Variants in MARCHF7 observed in about 807,000 individuals in gnomAD.
MARCHF7 encodes membrane associated ring-CH-type finger 7.
A neutral mutation model predicts 76.5 loss-of-function variants in MARCHF7; 20 were observed. The observed-to-expected ratio is 0.26, with a 90% CI of 0.18 to 0.38. The LOEUF is 0.38. Among genes scored for constraint, MARCHF7 ranks in the 10% least tolerant of loss-of-function variants. MARCHF7 has a pLI of 1.00. For synonymous variants in MARCHF7, 295 were observed against 293.0 expected (o/e 1.01, Z -0.07); for missense variants, 797 against 812.9 (o/e 0.98, Z 0.24).
intron 3 of MARCHF7, among the ~76,000 whole-genome samples, chr2:159,718,841 A>G (rs1701313013): frequency 6.6e-6 from 1 of 152,164 alleles, no homozygotes; most frequent in Non-Finnish European, 1.5e-5. Context: ...TAGAAGGTAC[A>G]GTATAAGTAG....
chr2:159,738,392 T>G (rs1270979286), intron 4 of MARCHF7, among the ~76,000 whole-genome samples: 1 of 152,196 alleles, frequency 6.6e-6, no homozygotes, highest in African/African-American at 2.4e-5. Context: ...GTTTCAGCAC[T>G]GTTTGTGTTA....
chr2:159,752,402 C>T lies in MARCHF7; in HGVS notation c.1614C>T (p.Ser538=). The T allele has an allele frequency of 1.3e-6, 2 of 1,568,564 alleles. No homozygotes were observed. The highest frequency in any genetic ancestry group is 1.7e-6 in the Non-Finnish European group (2 of 1,159,106). ...TTGGGAAATGTGCCTTCTTTTCCAGCCTCCTTTTAGAGGACTCAGAAGAAG... is the reference window on the plus strand; with the variant it reads ...TTGGGAAATGTGCCTTCTTTTCCAGTCTCCTTTTAGAGGACTCAGAAGAAG... ...DPERLQKIKE[S]LLLEDSEEEE... Residue 538 remains serine, a splice_region_variant and synonymous_variant, in exon 8 of 12, where the codon AGC becomes AGT. Transcript: ENST00000409175.
At chr2:159,764,975 TAAC>T (rs1707592131) in intron 11 of MARCHF7, among the ~76,000 whole-genome samples, 1 of 152,148 alleles carries the variant, frequency 6.6e-6, no homozygotes, top group Non-Finnish European at 1.5e-5. Flanking sequence ...GCATAAATCT[TAAC>T]TACTAATCAA....
chr2:159,768,969 A>G lies in MARCHF7; in HGVS notation c.*1627A>G, dbSNP rs1443840368. ...TAAATGCTAAATGACAGTGATAACA[A>G]TGGCTTAAGCTTTACAGTATTCTTG... On this transcript the variant is annotated 3_prime_UTR_variant, in exon 12 of 12. Transcript: ENST00000409175. 6.6e-6 allele frequency: 1 copy of G among 152,216 alleles called. No homozygotes were observed. Among genetic ancestry groups the G allele is most frequent in the Middle Eastern group, 3.2e-3 (1 of 316 alleles). 9.4% of individuals were successfully genotyped at this position (152,216 alleles called of 1,614,324 possible).
At chr2:159,719,390 A>C (rs1701382354) in intron 3 of MARCHF7, among the ~76,000 whole-genome samples, 2 of 150,322 alleles carry the variant, frequency 1.3e-5, no homozygotes, top group African/African-American at 2.4e-5. Flanking sequence ...ACCCCCCACC[A>C]CCACCCCGCC....
intron 4 of MARCHF7, among the ~76,000 whole-genome samples, chr2:159,731,177 G>A (rs140971613): frequency 1.6e-4 from 24 of 152,294 alleles, no homozygotes; most frequent in African/African-American, 5.5e-4. Flanking sequence ...ACAGGTGTGA[G>A]CCACTGCACC....
intron 9 of MARCHF7, among the ~76,000 whole-genome samples, chr2:159,760,890 T>A (rs1706971702): frequency 6.6e-6 from 1 of 152,196 alleles, no homozygotes; most frequent in Non-Finnish European, 1.5e-5. Context: ...TTAAACTTTC[T>A]GGTTTTAACT....
rs1708023963 is a variant in MARCHF7, at chr2:159,768,593, T to C, written c.*1251T>C. Reference sequence around the variant, plus strand: ...GATTTATTTTACTGTTTGAAATGTTTCCTTTTAAACTGGTGCTCAAAGAAG... The same window carrying C: ...GATTTATTTTACTGTTTGAAATGTTCCCTTTTAAACTGGTGCTCAAAGAAG... On this transcript the variant is annotated 3_prime_UTR_variant, in exon 12 of 12. Transcript: ENST00000409175. The C allele has an allele frequency of 1.3e-5, 2 of 152,618 alleles. No individual in the cohort carries two copies. The highest frequency in any genetic ancestry group is 4.1e-4 in the South Asian group (2 of 4,834). 9.5% of individuals were successfully genotyped at this position (152,618 alleles called of 1,614,324 possible).
chr2:159,752,310 A>G (rs1479795343), intron 7 of MARCHF7, 92 bp from the exon 8 acceptor site: 3 of 1,235,172 alleles, frequency 2.4e-6, no homozygotes, highest in Non-Finnish European at 3.2e-6. Context: ...GTGAGTAGAA[A>G]TAACAAAAAA....
chr2:159,764,257 C>CGCGT (rs879776764), intron 10 of MARCHF7, among the ~76,000 whole-genome samples: 2 of 119,846 alleles, frequency 1.7e-5, no homozygotes, highest in African/African-American at 6.9e-5. Flanking sequence ...TGTGTGTGTG[C>CGCGT]GCGCGCCCAC....
rs1390761939 is a variant in MARCHF7, at chr2:159,770,312, G to A, written c.*2970G>A. On this transcript the variant is annotated 3_prime_UTR_variant, in exon 12 of 12. Transcript: ENST00000409175. Reference sequence around the variant, plus strand: ...TCTTACAGAGCATGCTTGTGCTTGTGTAACAGCTGGTGTAATGCCTGCATT... The same window carrying A: ...TCTTACAGAGCATGCTTGTGCTTGTATAACAGCTGGTGTAATGCCTGCATT... 1 of 152,156 alleles carries A rather than the reference G, an allele frequency of 6.6e-6. No individual in the cohort carries two copies. The allele number at this position is 152,156 out of a possible 1,614,324, so 9.4% of individuals were successfully genotyped here.
Position 159,717,577 on chromosome 2 carries a change from T to C in MARCHF7, c.-15+1811T>C, listed in dbSNP as rs552006602. 2.5e-4 allele frequency among the ~76,000 whole-genome samples: 38 copies of C among 152,358 alleles called. 1 individual carries two copies. The South Asian group carries it at 4.6e-3, about 18-fold the overall frequency. ...TTTTGTGAAGTATTTTAACTTTATCTTTCACTTAGTCTTTACTAGAGTTAT... is the reference window on the plus strand; with the variant it reads ...TTTTGTGAAGTATTTTAACTTTATCCTTCACTTAGTCTTTACTAGAGTTAT... On this transcript the variant is annotated intron_variant, in intron 3 of 11. Transcript: ENST00000409175.
At chr2:159,759,165 GAA>G in intron 8 of MARCHF7, 59 bp from the exon 9 acceptor site, 2 of 874,888 alleles carry the variant, frequency 2.3e-6, no homozygotes, top group Non-Finnish European at 3.7e-6. Context: ...ACTTAACGAG[GAA>G]AAGTGTTTTA....
intron 8 of MARCHF7, among the ~76,000 whole-genome samples, chr2:159,754,793 A>G (rs74619980): frequency 0.023 from 3,531 of 152,238 alleles, 40 homozygotes; most frequent in South Asian, 0.045. Context: ...GGGAAGATTT[A>G]TGACTCCCTG....
At chr2:159,761,467 T>C (rs1574441941) in intron 9 of MARCHF7, among the ~76,000 whole-genome samples, 1 of 131,684 alleles carries the variant, frequency 7.6e-6, no homozygotes, top group East Asian at 2.3e-4. Flanking sequence ...CAGGCTGGAG[T>C]GCAATGGCAT....
At chr2:159,738,372 A>C (rs35551189) in intron 4 of MARCHF7, among the ~76,000 whole-genome samples, 1 of 152,098 alleles carries the variant, frequency 6.6e-6, no homozygotes, top group Non-Finnish European at 1.5e-5. Context: ...AGTGGGGGGT[A>C]GGAAGGGATG....
chr2:159,712,863 T>G (rs1306058074), intron 1 of MARCHF7, among the ~76,000 whole-genome samples: 2 of 152,026 alleles, frequency 1.3e-5, no homozygotes, highest in East Asian at 3.9e-4. Flanking sequence ...TTTGGTCGGG[T>G]GGTGGAGTTT....
At chr2:159,731,094 A>G (rs947831110) in intron 4 of MARCHF7, among the ~76,000 whole-genome samples, 10 of 151,990 alleles carry the variant, frequency 6.6e-5, no homozygotes, top group Non-Finnish European at 1.2e-4. Flanking sequence ...GGGTTTCGCT[A>G]TGTTGCCCAG....
chr2:159,723,924 CTCCAGTCCG>C (rs1701899583), intron 3 of MARCHF7, among the ~76,000 whole-genome samples: 1 of 152,158 alleles, frequency 6.6e-6, no homozygotes, highest in Non-Finnish European at 1.5e-5. Context: ...TGAGGTCCTG[CTCCAGTCCG>C]AATTGTTTGC....
Sources: allele counts gnomAD v4.1 joint callset (sites outside exome capture counted in the v4.1 genomes callset), GRCh38; gene constraint gnomAD v4.1.1; transcripts MANE v1.5; gene names NCBI Gene and HGNC (gene_info 2026-07-23, HGNC 2026-07-21).